Variants in PBX4 observed in about 807,000 individuals in gnomAD.
The protein encoded by PBX4 is pre-B-cell leukemia transcription factor 4.
In PBX4, 26 loss-of-function variants were observed where a neutral mutation model predicts 35.1. The observed-to-expected ratio is 0.74, with a 90% CI of 0.54 to 1.03. PBX4 has a LOEUF of 1.03. Among genes scored for constraint, PBX4 ranks in the 50% least tolerant of loss-of-function variants. The pLI is 0.00. For synonymous variants in PBX4, 199 were observed against 204.2 expected, an observed-to-expected ratio of 0.97 and a Z score of 0.22; for missense variants, 448 against 504.3, an observed-to-expected ratio of 0.89 and a Z score of 1.07.
chr19:19,575,308 G>A (rs1180867722), intron 2 of PBX4, among the ~76,000 whole-genome samples: 7 of 150,272 alleles, frequency 4.7e-5, no homozygotes, highest in Non-Finnish European at 1.0e-4. Context: ...AGCGAGGACA[G>A]CCCACTTGGA....
intron 1 of PBX4, among the ~76,000 whole-genome samples, chr19:19,615,321 T>C (rs769610940): frequency 1.9e-4 from 29 of 151,408 alleles, no homozygotes; most frequent in Non-Finnish European, 3.4e-4. Context: ...CACTCTAGCC[T>C]GGGTGACAGA....
rs1163044233 is a variant in PBX4 at position 19,563,491 on chromosome 19, A to G, written c.1032+18T>C. On this transcript the variant is annotated intron_variant, in intron 7 of 7. Transcript: ENST00000251203. The surrounding 1 kb of genome is among the most constrained non-coding windows in gnomAD (Gnocchi z 5.1). ...CTACCACCCACCTGGGCGCTGTGGG[A>G]CAGTGCCTGAGACTCACCTGGGACT... 2.0e-6 allele frequency: 3 copies of G among 1,530,968 alleles called. No individual in the cohort carries two copies. The highest frequency in any genetic ancestry group is 2.7e-6 in the Non-Finnish European group (3 of 1,131,884). The allele number at this position is 1,530,968 out of a possible 1,614,324, so 94.8% of individuals were successfully genotyped here.
chr19:19,585,171 T>C (rs572627725), intron 2 of PBX4, among the ~76,000 whole-genome samples: 74 of 151,976 alleles, frequency 4.9e-4, no homozygotes, highest in Admixed American at 2.4e-3. Context: ...ATTAAAAATA[T>C]AAAATTAGCT....
At position 19,562,216 on chromosome 19, in the gene PBX4, G is replaced by A; in HGVS notation, c.1033-99C>T. The A allele has an allele frequency of 1.2e-6, 1 of 869,514 alleles. No individual in the cohort carries two copies. Among genetic ancestry groups the A allele is most frequent in the South Asian group, 1.8e-5 (1 of 55,254 alleles). 53.9% of individuals were successfully genotyped at this position (869,514 alleles called of 1,614,324 possible). ...CGGAGCCTCCAGGGGTCCCTGGGAA[G>A]GCTTGGAAAAGATCCACAGATGACC... is the stretch of plus-strand genomic sequence containing the variant. On this transcript the variant is annotated intron_variant, in intron 7 of 7. Coordinates refer to ENST00000251203, the MANE Select transcript of PBX4 (RefSeq NM_025245.3). This position sits in a 1 kb window ranked among gnomAD's most constrained non-coding sequence, Gnocchi z 4.8.
chr19:19,570,189 C>T lies in PBX4; in HGVS notation c.552G>A (p.Lys184=). The T allele has an allele frequency of 1.2e-6, 2 of 1,614,126 alleles. No individual in the cohort carries two copies. Among genetic ancestry groups the T allele is most frequent in the Non-Finnish European group, 1.7e-6 (2 of 1,180,028 alleles). ...TCAACTGCATCTGGATGGCGCTGAA[C>T]TTGCCGTGAATGGCGCCGACCATGC... ...IERMVGAIHG[K]FSAIQMQLKQ... is the part of the protein sequence containing the mutation. The change falls in exon 4 of 8, where the codon AAG becomes AAA. Residue 184 remains lysine (K), a synonymous_variant. Coordinates refer to ENST00000251203, the MANE Select transcript of PBX4 (RefSeq NM_025245.3).
chr19:19,615,259 ATTGC>A (rs1293567915), intron 1 of PBX4, among the ~76,000 whole-genome samples: 4 of 150,534 alleles, frequency 2.7e-5, no homozygotes, highest in Admixed American at 6.6e-5. Context: ...AGGTGTGAAG[ATTGC>A]TTGGGCCCAG....
intron 2 of PBX4, among the ~76,000 whole-genome samples, chr19:19,592,473 A>G (rs1198834209): frequency 6.6e-6 from 1 of 152,162 alleles, no homozygotes; most frequent in East Asian, 1.9e-4. Context: ...AGCTGACCCC[A>G]GGAGACAAGC....
At chr19:19,603,501 G>T (rs550802125) in intron 1 of PBX4, among the ~76,000 whole-genome samples, 1 of 152,142 alleles carries the variant, frequency 6.6e-6, no homozygotes, top group African/African-American at 2.4e-5. Flanking sequence ...TAGAGATGGG[G>T]TTTTGGCATG....
intron 1 of PBX4, among the ~76,000 whole-genome samples, chr19:19,599,897 C>T (rs139585919): frequency 0.015 from 2,257 of 150,210 alleles, 78 homozygotes; most frequent in South Asian, 0.077. Flanking sequence ...TGCTTAGACC[C>T]GGGAGGCAGA....
chr19:19,611,291 T>G (rs1310337017), intron 1 of PBX4, among the ~76,000 whole-genome samples: 1 of 152,146 alleles, frequency 6.6e-6, no homozygotes, highest in Admixed American at 6.6e-5. Flanking sequence ...AGGAATTTAA[T>G]CCATATCTAG....
chr19:19,570,525 G>T, intron 3 of PBX4, 61 bp downstream of exon 3: 1 of 1,590,940 alleles, frequency 6.3e-7, no homozygotes, highest in Admixed American at 1.7e-5. Flanking sequence ...TTAGCGTTCC[G>T]TGTTTCGCTT....
intron 1 of PBX4, among the ~76,000 whole-genome samples, chr19:19,604,841 C>T (rs1348178752): frequency 1.3e-5 from 2 of 151,934 alleles, no homozygotes; most frequent in African/African-American, 2.4e-5. Context: ...ACCTCATGAT[C>T]CACTTGCCTC....
At chr19:19,571,861 C>A (rs1002320132) in intron 2 of PBX4, among the ~76,000 whole-genome samples, 8 of 151,646 alleles carry the variant, frequency 5.3e-5, no homozygotes, top group African/African-American at 1.9e-4. Context: ...GGTGAAACCC[C>A]GTCTCTACTA....
In PBX4 at chr19:19,589,960, CA is replaced by C. The variant is rs71338331; in HGVS notation, c.193+9331del. ...TCAGTGGTTAAGCCCTAAGAGGCAG[CA>C]AAGAAGTGCTAATTCATAAGAATGT... On this transcript the variant is annotated intron_variant, in intron 2 of 7. Coordinates refer to ENST00000251203, the MANE Select transcript of PBX4 (RefSeq NM_025245.3). Among the ~76,000 whole-genome samples, 159 of 152,216 alleles carry C rather than the reference CA, an allele frequency of 1.0e-3. 1 individual carries two copies. The highest frequency in any genetic ancestry group is 1.9e-3 in the Non-Finnish European group (131 of 68,008).
Position 19,563,238 on chromosome 19 carries a change from C to A in PBX4, c.1032+271G>T, listed in dbSNP as rs1445784327. Reference sequence around the variant, plus strand: ...CACAGTCCTCTAGGAGGTGCCCTTCCCCTCCACAGCCAAAGCCCTCATCTT... The same window carrying A: ...CACAGTCCTCTAGGAGGTGCCCTTCACCTCCACAGCCAAAGCCCTCATCTT... On this transcript the variant is annotated intron_variant, in intron 7 of 7. Coordinates refer to ENST00000251203, the MANE Select transcript of PBX4 (RefSeq NM_025245.3). The surrounding 1 kb of genome is among the most constrained non-coding windows in gnomAD (Gnocchi z 5.1). Among the ~76,000 whole-genome samples, 1 of 152,212 alleles carries A rather than the reference C, an allele frequency of 6.6e-6. No homozygotes were observed. Among genetic ancestry groups the A allele is most frequent in the African/African-American group, 2.4e-5 (1 of 41,454 alleles).
rs1449458669 is a variant in PBX4 at position 19,563,213 on chromosome 19, C to T, written c.1032+296G>A. Among the ~76,000 whole-genome samples, 1 of 152,148 alleles carries T rather than the reference C, an allele frequency of 6.6e-6. No homozygotes were observed. Among genetic ancestry groups the T allele is most frequent in the African/African-American group, 2.4e-5 (1 of 41,410 alleles). On this transcript the variant is annotated intron_variant, in intron 7 of 7. Coordinates refer to ENST00000251203, the MANE Select transcript of PBX4 (RefSeq NM_025245.3). The surrounding 1 kb of genome is among the most constrained non-coding windows in gnomAD (Gnocchi z 5.1). ...TCGAGGGAAGGACACCATGTCCTCCCACAGTCCTCTAGGAGGTGCCCTTCC... is the reference window on the plus strand; with the variant it reads ...TCGAGGGAAGGACACCATGTCCTCCTACAGTCCTCTAGGAGGTGCCCTTCC...
chr19:19,588,938 C>G (rs889579660), intron 2 of PBX4, among the ~76,000 whole-genome samples: 1 of 152,078 alleles, frequency 6.6e-6, no homozygotes, highest in African/African-American at 2.4e-5. Context: ...GAGTTTAAGA[C>G]CAGCCTGGGC....
Position 19,562,936 on chromosome 19 carries a change from A to G in PBX4, c.1032+573T>C, listed in dbSNP as rs1409465408. Among the ~76,000 whole-genome samples the G allele has an allele frequency of 2.0e-5, 3 of 152,122 alleles. No homozygotes were observed. Among genetic ancestry groups the G allele is most frequent in the Non-Finnish European group, 4.4e-5 (3 of 67,992 alleles). ...GGTGGGACCCCACAGACAGCACAGG[A>G]GGCATCCGTTCTCTGAACCCCTGGG... On this transcript the variant is annotated intron_variant, in intron 7 of 7. Transcript: ENST00000251203. The surrounding 1 kb of genome is among the most constrained non-coding windows in gnomAD (Gnocchi z 4.8).
At chr19:19,573,415 A>G (rs902377951) in intron 2 of PBX4, among the ~76,000 whole-genome samples, 1 of 151,774 alleles carries the variant, frequency 6.6e-6, no homozygotes, top group African/African-American at 2.4e-5. Flanking sequence ...TTCTTACTCA[A>G]TTAAAATTGG....
Sources: gnomAD v4.1 joint callset for allele counts (sites outside exome capture counted in the v4.1 genomes callset) on GRCh38, gnomAD v4.1.1 for gene constraint, Gnocchi (gnomAD v3.1) non-coding constraint, MANE v1.5 for transcripts, NCBI Gene and HGNC (gene_info 2026-07-23, HGNC 2026-07-21) for gene names.